Variants in TP63 observed in about 807,000 individuals in gnomAD.
TP63 encodes tumor protein 63.
A neutral mutation model predicts 82.8 loss-of-function variants in TP63; 17 were observed. The observed-to-expected ratio is 0.21, with a 90% CI of 0.14 to 0.31. The LOEUF (loss-of-function observed/expected upper bound fraction) is 0.31, where lower values mean the gene tolerates loss of function less well. Ranked by LOEUF, TP63 falls within the 10% of genes least tolerant of loss-of-function variation. The pLI is 1.00. For missense variants in TP63, 648 were observed against 895.3 expected, an observed-to-expected ratio of 0.72 and a Z score of 3.52; for synonymous variants, 330 against 321.7, an observed-to-expected ratio of 1.03 and a Z score of -0.28.
the TP63 span, among the ~76,000 whole-genome samples, chr3:189,624,650 A>C: frequency 1.3e-5 from 2 of 152,210 alleles, no homozygotes; most frequent in East Asian, 3.8e-4. Context: ...ATAAATAAGC[A>C]TATAATATGT....
At chr3:189,732,802 TGAGA>T (rs57926122) in intron 1 of TP63, among the ~76,000 whole-genome samples, 1 of 152,080 alleles carries the variant, frequency 6.6e-6, no homozygotes, top group Non-Finnish European at 1.5e-5. Flanking sequence ...AATACAGAGC[TGAGA>T]GAGAGATGTT....
upstream of TP63, among the ~76,000 whole-genome samples, chr3:189,627,672 G>T (rs547888009): frequency 1.3e-5 from 2 of 152,216 alleles, no homozygotes; most frequent in East Asian, 3.9e-4. Flanking sequence ...CAATGTTCTA[G>T]AAAATATACA....
chr3:189,800,893 G>A (rs1726231710), intron 3 of TP63, among the ~76,000 whole-genome samples: 1 of 152,108 alleles, frequency 6.6e-6, no homozygotes, highest in Non-Finnish European at 1.5e-5. Flanking sequence ...GTAGATTTCA[G>A]AGTTTTAAAA....
At chr3:189,792,295 C>A (rs1725225764) in intron 3 of TP63, among the ~76,000 whole-genome samples, 7 of 152,040 alleles carry the variant, frequency 4.6e-5, no homozygotes, top group Admixed American at 4.6e-4. Context: ...CAAGCAAGCT[C>A]CACTCCCCAG....
At chr3:189,847,531 A>G (rs2108756803) in intron 4 of TP63, among the ~76,000 whole-genome samples, 1 of 152,298 alleles carries the variant, frequency 6.6e-6, no homozygotes, top group Admixed American at 6.5e-5. Flanking sequence ...TGAAGAGGCC[A>G]ATCGTTTTTG....
At position 189,655,571 on chromosome 3, in the gene TP63, G is replaced by A. The variant is rs9848040; in HGVS notation, c.62+23994G>A. ...CAGGAGGTGGAGGTTGCAGTGAGGT[G>A]AGCTCATGTCACTGGACTCCAGCCT... On this transcript the variant is annotated intron_variant, in intron 1 of 13. Transcript: ENST00000264731. Among the ~76,000 whole-genome samples the A allele has an allele frequency of 3.3e-5, 5 of 152,052 alleles. No homozygotes were observed. The South Asian group carries it at 1.0e-3, about 32-fold the overall frequency.
chr3:189,888,438 C>A (rs1230867374), intron 11 of TP63, among the ~76,000 whole-genome samples: 2 of 152,160 alleles, frequency 1.3e-5, no homozygotes, highest in Non-Finnish European at 2.9e-5. Context: ...GTATAACTTA[C>A]AGTTTGCCTA....
intron 4 of TP63, among the ~76,000 whole-genome samples, chr3:189,832,903 C>T (rs1303315025): frequency 6.6e-6 from 1 of 152,000 alleles, no homozygotes; most frequent in Non-Finnish European, 1.5e-5. Context: ...AGAGCACTTC[C>T]TACTAGTATT....
chr3:189,812,055 G>A (rs1727625407), intron 4 of TP63, among the ~76,000 whole-genome samples: 1 of 152,192 alleles, frequency 6.6e-6, no homozygotes, highest in African/African-American at 2.4e-5. Flanking sequence ...GCTGTCATTA[G>A]GGGGAGATCA....
intron 10 of TP63, among the ~76,000 whole-genome samples, chr3:189,879,252 G>A (rs1043416898): frequency 2.0e-5 from 3 of 152,184 alleles, no homozygotes; most frequent in African/African-American, 7.2e-5. Flanking sequence ...ATAGCCAAAT[G>A]TGATTCAAGA....
chr3:189,811,806 C>T lies in TP63; in HGVS notation c.579+3280C>T, dbSNP rs73889828. On this transcript the variant is annotated intron_variant, in intron 4 of 13. Transcript: ENST00000264731. ...TCCCTCACCCTAATTCAAGTCTCTCCACCATCCTAGTTAGACTGTTTCTCC... is the reference window on the plus strand; with the variant it reads ...TCCCTCACCCTAATTCAAGTCTCTCTACCATCCTAGTTAGACTGTTTCTCC... Among the ~76,000 whole-genome samples the T allele has an allele frequency of 5.1e-3, 770 of 152,284 alleles. 9 individuals carry two copies. Among genetic ancestry groups the T allele is most frequent in the African/African-American group, 0.017 (706 of 41,562 alleles).
chr3:189,650,250 T>A (rs1712776194), intron 1 of TP63, among the ~76,000 whole-genome samples: 2 of 147,104 alleles, frequency 1.4e-5, no homozygotes, highest in Admixed American at 6.7e-5. Flanking sequence ...CCGCAAAAGA[T>A]CAATTTCTTG....
intron 10 of TP63, among the ~76,000 whole-genome samples, chr3:189,883,013 C>T (rs1300808496): frequency 1.3e-5 from 2 of 152,062 alleles, no homozygotes; most frequent in Non-Finnish European, 2.9e-5. Context: ...TTTTTTTCTG[C>T]AGACAGCTGG....
intron 1 of TP63, among the ~76,000 whole-genome samples, chr3:189,736,309 G>A (rs1405450847): frequency 6.6e-6 from 1 of 151,628 alleles, no homozygotes; most frequent in Non-Finnish European, 1.5e-5. Context: ...AGCATTCTCT[G>A]CCCCAAATTT....
In TP63 at chr3:189,843,924, A is replaced by G. The variant is rs960730411; in HGVS notation, c.580-20308A>G. ...CATGTAGTTTAGAAATAGAATGACAAAACTGGGGTCCTAGTCAAAGGAAGG... is the reference window on the plus strand; with the variant it reads ...CATGTAGTTTAGAAATAGAATGACAGAACTGGGGTCCTAGTCAAAGGAAGG... On this transcript the variant is annotated intron_variant, in intron 4 of 13. Transcript: ENST00000264731. 3.0e-4 allele frequency among the ~76,000 whole-genome samples: 46 copies of G among 152,160 alleles called. 2 individuals carry two copies. The highest frequency in any genetic ancestry group is 4.1e-4 in the Non-Finnish European group (28 of 68,026).
intron 3 of TP63, among the ~76,000 whole-genome samples, chr3:189,740,214 G>A (rs78253230): frequency 0.049 from 7,397 of 152,190 alleles, 346 homozygotes; most frequent in East Asian, 0.24. Flanking sequence ...ATTCCAAGGG[G>A]CAGGTCATTC....
intron 1 of TP63, among the ~76,000 whole-genome samples, chr3:189,678,407 A>G (rs1715629924): frequency 1.3e-5 from 2 of 151,990 alleles, no homozygotes; most frequent in Admixed American, 6.6e-5. Flanking sequence ...ATGTGGCTTT[A>G]TTCCTGGGTT....
At position 189,894,827 on chromosome 3, in the gene TP63, A is replaced by C. The variant is rs1721351743; in HGVS notation, c.*325A>C. ...AAAGCATGTTCACCCTTATAGTCTA[A>C]GACTATATATATAAATGTATAAATA... On this transcript the variant is annotated 3_prime_UTR_variant, in exon 14 of 14. Coordinates refer to ENST00000264731, the MANE Select transcript of TP63 (RefSeq NM_003722.5). 4 of 327,260 alleles carry C rather than the reference A, an allele frequency of 1.2e-5. No homozygotes were observed. The highest frequency in any genetic ancestry group is 8.9e-4 in the Middle Eastern group (1 of 1,120). 20.3% of individuals were successfully genotyped at this position (327,260 alleles called of 1,614,324 possible).
chr3:189,650,427 C>T (rs1259922588), intron 1 of TP63, among the ~76,000 whole-genome samples: 2 of 146,746 alleles, frequency 1.4e-5, no homozygotes, highest in Non-Finnish European at 3.0e-5. Flanking sequence ...TTGTAGTTCC[C>T]ATAATCCCCA....
Sources: gnomAD v4.1 joint callset for allele counts (sites outside exome capture counted in the v4.1 genomes callset) on GRCh38, gnomAD v4.1.1 for gene constraint, MANE v1.5 for transcripts, NCBI Gene and HGNC (gene_info 2026-07-23, HGNC 2026-07-21) for gene names.